KIF2A: variants seen among roughly 807,000 people sequenced by gnomAD.
KIF2A encodes kinesin-like protein KIF2A.
In KIF2A, 22 loss-of-function variants were observed where a neutral mutation model predicts 100.2. The observed-to-expected ratio is 0.22, with a 90% CI of 0.16 to 0.31. KIF2A has a LOEUF of 0.31. Among genes scored for constraint, KIF2A ranks in the 10% least tolerant of loss-of-function variants. KIF2A has a pLI of 1.00. For missense variants in KIF2A, 495 were observed against 898.7 expected (o/e 0.55, Z 5.74); for synonymous variants, 268 against 285.9 (o/e 0.94, Z 0.63).
rs144318746 is a variant in KIF2A at position 62,372,344 on chromosome 5, T to C, written c.1647-94T>C. ...TCACAACAATATCAATATCCTTTTCTAAACAAAAGTGAATACTAAATGAAA... is the reference window on the plus strand; with the variant it reads ...TCACAACAATATCAATATCCTTTTCCAAACAAAAGTGAATACTAAATGAAA... On this transcript the variant is annotated intron_variant, in intron 16 of 20. Coordinates refer to ENST00000407818, the MANE Select transcript of KIF2A (RefSeq NM_001098511.3). 9.2e-4 allele frequency: 638 copies of C among 691,640 alleles called. 5 individuals carry two copies. The African/African-American group carries it at 0.011, about 11-fold the overall frequency. 42.8% of individuals were successfully genotyped at this position (691,640 alleles called of 1,614,324 possible).
chr5:62,371,470 C>T (rs1741325655), intron 16 of KIF2A, among the ~76,000 whole-genome samples: 1 of 152,004 alleles, frequency 6.6e-6, no homozygotes, highest in African/African-American at 2.4e-5. Flanking sequence ...TTTAGTTCAA[C>T]CTAAGAGAAA....
At chr5:62,345,932 A>T (rs2111902720) in intron 1 of KIF2A, among the ~76,000 whole-genome samples, 1 of 152,264 alleles carries the variant, frequency 6.6e-6, no homozygotes, top group South Asian at 2.1e-4. Context: ...TAAATTTTTT[A>T]AAAAGTATTT....
At chr5:62,319,597 A>G (rs1484533200) in intron 1 of KIF2A, among the ~76,000 whole-genome samples, 1 of 152,178 alleles carries the variant, frequency 6.6e-6, no homozygotes, top group Admixed American at 6.5e-5. Context: ...AAGTTCCTTT[A>G]TATTCCCCAC....
At chr5:62,385,311 G>A (rs530100568) in intron 20 of KIF2A, among the ~76,000 whole-genome samples, 173 bp from the exon 21 acceptor site, 1 of 152,130 alleles carries the variant, frequency 6.6e-6, no homozygotes, top group Non-Finnish European at 1.5e-5. Flanking sequence ...AAAAACTTTC[G>A]CAATAGTTGA....
In KIF2A at chr5:62,306,553, GC is replaced by G; in HGVS notation, c.64+21del. The G allele has an allele frequency of 6.5e-7, 1 of 1,541,150 alleles. No individual in the cohort carries two copies. Among genetic ancestry groups the G allele is most frequent in the Non-Finnish European group, 8.8e-7 (1 of 1,141,382 alleles). On this transcript the variant is annotated intron_variant, in intron 1 of 20. Coordinates refer to ENST00000407818, the MANE Select transcript of KIF2A (RefSeq NM_001098511.3). ...GCAGCGATGGTGAGCCGCGCTGCCA[GC>G]CCCGCTGGCCCGCTCGGCCCCGTGT...
chr5:62,372,497 G>A lies in KIF2A; in HGVS notation c.1706G>A (p.Arg569His), dbSNP rs780183716. Residue 569 changes from arginine (R) to histidine (H), a missense_variant, in exon 17 of 21, where the codon CGC (arginine) becomes CAC (histidine). Coordinates refer to ENST00000407818, the MANE Select transcript of KIF2A (RefSeq NM_001098511.3). The part of the protein sequence containing the change: ...DIPFSQGSGS[R>H]PDLSPSYEYD... ...CCCTTCTCACAGGGTAGTGGCAGTC[G>A]CCCTGATCTCTCTCCTTCTTATGAA... is the stretch of plus-strand genomic sequence containing the variant. The A allele has an allele frequency of 7.4e-6, 12 of 1,612,820 alleles. No individual in the cohort carries two copies. Among genetic ancestry groups the A allele is most frequent in the South Asian group, 1.1e-5 (1 of 90,950 alleles).
At chr5:62,349,871 G>C (rs1747763877) in intron 3 of KIF2A, among the ~76,000 whole-genome samples, 195 bp from the exon 4 acceptor site, 1 of 152,104 alleles carries the variant, frequency 6.6e-6, no homozygotes, top group South Asian at 2.1e-4. Context: ...TATTTTTGGA[G>C]GGTAGGGGAA....
chr5:62,321,801 C>T (rs945024767), intron 1 of KIF2A, among the ~76,000 whole-genome samples: 8 of 152,154 alleles, frequency 5.3e-5, no homozygotes, highest in African/African-American at 1.7e-4. Flanking sequence ...TCAAGTGATC[C>T]GCCCACCTTG....
At chr5:62,327,658 C>T (rs1746445571) in intron 1 of KIF2A, among the ~76,000 whole-genome samples, 1 of 152,200 alleles carries the variant, frequency 6.6e-6, no homozygotes, top group Non-Finnish European at 1.5e-5. Flanking sequence ...TCTTTATGTA[C>T]CTTTTGTTCT....
At chr5:62,380,485 C>T (rs1741727174) in intron 19 of KIF2A, among the ~76,000 whole-genome samples, 1 of 152,098 alleles carries the variant, frequency 6.6e-6, no homozygotes, top group African/African-American at 2.4e-5. Flanking sequence ...ATTTTGAGGA[C>T]ATACAGTTGA....
chr5:62,363,511 C>T (rs1209372187), intron 13 of KIF2A, among the ~76,000 whole-genome samples, 184 bp from the exon 14 acceptor site: 1 of 152,090 alleles, frequency 6.6e-6, no homozygotes, highest in Non-Finnish European at 1.5e-5. Context: ...TAGAAATATG[C>T]CGGATTAAAT....
chr5:62,328,261 GATTT>G lies in KIF2A; in HGVS notation c.65-18863_65-18860del, dbSNP rs202142836. ...TTTAATTAAGGCTAATAGGTTTTGAGATTTATTTAGTTAACTTATTTAGTAAACT... is the reference window on the plus strand; with the variant it reads ...TTTAATTAAGGCTAATAGGTTTTGAGATTTAGTTAACTTATTTAGTAAACT... On this transcript the variant is annotated intron_variant, in intron 1 of 20. Transcript: ENST00000407818. 2.0e-5 allele frequency among the ~76,000 whole-genome samples: 3 copies of G among 150,338 alleles called. No individual in the cohort carries two copies. The East Asian group carries it at 5.8e-4, about 29-fold the overall frequency.
chr5:62,347,805 G>A (rs1419605928), intron 2 of KIF2A, among the ~76,000 whole-genome samples: 1 of 151,794 alleles, frequency 6.6e-6, no homozygotes, highest in Non-Finnish European at 1.5e-5. Flanking sequence ...TGTATTTTTT[G>A]TAGAGATGGG....
intron 18 of KIF2A, among the ~76,000 whole-genome samples, chr5:62,376,989 T>C (rs1419101593): frequency 6.6e-6 from 1 of 152,200 alleles, no homozygotes; most frequent in Non-Finnish European, 1.5e-5. Context: ...ATCTCTCAAA[T>C]ACTGTATTTT....
At chr5:62,340,021 C>G (rs1747210853) in intron 1 of KIF2A, among the ~76,000 whole-genome samples, 1 of 151,328 alleles carries the variant, frequency 6.6e-6, no homozygotes, top group South Asian at 2.1e-4. Flanking sequence ...TCACTGCAAC[C>G]TCTGCCTCCC....
At chr5:62,374,771 A>G (rs1741469891) in intron 18 of KIF2A, among the ~76,000 whole-genome samples, 1 of 152,170 alleles carries the variant, frequency 6.6e-6, no homozygotes, top group Non-Finnish European at 1.5e-5. Context: ...TCTACTAACT[A>G]CAAAAATTAG....
Position 62,355,226 on chromosome 5 carries a change from AT to A in KIF2A, c.628del (p.Tyr210IlefsTer4). ...CMIRDFRGSL[D>X]YRPLTTADPI... is the part of the protein sequence containing the mutation. ...ATCAGAGACTTTAGAGGAAGTTTGG[AT>A]TATAGACCATTAACAACAGCAGATC... On this transcript the variant is annotated frameshift_variant, in exon 7 of 21. Transcript: ENST00000407818. LOFTEE classifies it high-confidence loss of function. 1 of 1,583,168 alleles carries A rather than the reference AT, an allele frequency of 6.3e-7. No homozygotes were observed. The highest frequency in any genetic ancestry group is 8.7e-7 in the Non-Finnish European group (1 of 1,153,408).
Position 62,329,454 on chromosome 5 carries a change from CTT to C in KIF2A, c.65-17674_65-17673del, listed in dbSNP as rs532631376. Among the ~76,000 whole-genome samples the C allele has an allele frequency of 2.5e-4, 38 of 152,354 alleles. No individual in the cohort carries two copies. In the South Asian group the frequency reaches 7.9e-3, roughly 32 times the overall value. On this transcript the variant is annotated intron_variant, in intron 1 of 20. Coordinates refer to ENST00000407818, the MANE Select transcript of KIF2A (RefSeq NM_001098511.3). ...ACAACCTGAATATCAGAATTTGAGA[CTT>C]TGAATTCTGCTGCTGATCTGCTGTG...
At chr5:62,369,583 T>C (rs1489198356) in intron 16 of KIF2A, among the ~76,000 whole-genome samples, 1 of 152,188 alleles carries the variant, frequency 6.6e-6, no homozygotes, top group Non-Finnish European at 1.5e-5. Context: ...AGACACATAA[T>C]TGTTTCAATT....
Sources: gnomAD v4.1 joint callset for allele counts (sites outside exome capture counted in the v4.1 genomes callset) on GRCh38, gnomAD v4.1.1 for gene constraint, MANE v1.5 for transcripts, NCBI Gene and HGNC (gene_info 2026-07-23, HGNC 2026-07-21) for gene names.